Variants in GATA3 observed in about 807,000 individuals in gnomAD.
GATA3 encodes trans-acting T-cell-specific transcription factor GATA-3.
A neutral mutation model predicts 36.0 loss-of-function variants in GATA3; 6 were observed. The ratio of observed to expected loss-of-function variants is 0.17; its 90% confidence interval spans 0.09 to 0.33. The LOEUF is 0.33. Ranked by LOEUF, GATA3 falls within the 10% of genes least tolerant of loss-of-function variation. The pLI is 1.00. For synonymous variants in GATA3, 326 were observed against 273.0 expected, an observed-to-expected ratio of 1.19 and a Z score of -1.92; for missense variants, 514 against 610.1, an observed-to-expected ratio of 0.84 and a Z score of 1.66.
intron 5 of GATA3, among the ~76,000 whole-genome samples, chr10:8,071,359 G>C (rs1028964758): frequency 1.1e-4 from 17 of 152,124 alleles, no homozygotes; most frequent in Non-Finnish European, 4.4e-5. Context: ...TAACAAAATT[G>C]TAACAAATTG....
Position 8,074,223 on chromosome 10 carries a change from T to C in GATA3, c.*200T>C. 1.6e-6 allele frequency: 1 copy of C among 617,426 alleles called. No individual in the cohort carries two copies. The highest frequency in any genetic ancestry group is 2.8e-6 in the Non-Finnish European group (1 of 356,048). The allele number at this position is 617,426 out of a possible 1,614,324, so 38.2% of individuals were successfully genotyped here. Reference sequence around the variant, plus strand: ...CCAACCACTGAATCTGGACCCCATCTGTGAATAAGCCATTCTGACTCATAT... The same window carrying C: ...CCAACCACTGAATCTGGACCCCATCCGTGAATAAGCCATTCTGACTCATAT... On this transcript the variant is annotated 3_prime_UTR_variant, in exon 6 of 6. Coordinates refer to ENST00000379328, the MANE Select transcript of GATA3 (RefSeq NM_001002295.2).
chr10:8,058,213 G>T, intron 2 of GATA3, 92 bp from the exon 3 acceptor site: 2 of 1,410,368 alleles, frequency 1.4e-6, no homozygotes, highest in Non-Finnish European at 2.0e-6. Context: ...GGAGGCCGAT[G>T]CGAGGTAGAG....
intron 3 of GATA3, 117 bp downstream of exon 3, chr10:8,058,958 A>G: frequency 1.1e-6 from 1 of 915,586 alleles, no homozygotes; most frequent in Non-Finnish European, 1.6e-6. Context: ...GCCTGCTGAG[A>G]TGCCATTCTT....
At chr10:8,051,684 G>A (rs1832496474), upstream of GATA3, 1 of 152,680 alleles carries the variant, frequency 6.5e-6, no homozygotes, top group African/African-American at 2.4e-5. Context: ...AGGAGGCCAG[G>A]ATCAGCTTTG....
At chr10:8,071,932 A>G (rs1832937270) in intron 5 of GATA3, among the ~76,000 whole-genome samples, 1 of 152,196 alleles carries the variant, frequency 6.6e-6, no homozygotes, top group Admixed American at 6.5e-5. Context: ...CTGGCTATGT[A>G]TAGCTAGATA....
At chr10:8,047,359 C>T (rs1658725016) in intron 1 of GATA3, among the ~76,000 whole-genome samples, 1 of 152,228 alleles carries the variant, frequency 6.6e-6, no homozygotes, top group African/African-American at 2.4e-5. Flanking sequence ...CACCTCTGTC[C>T]TCTAGCATTC....
intron 5 of GATA3, among the ~76,000 whole-genome samples, chr10:8,073,528 G>A (rs1462970687): frequency 2.0e-5 from 3 of 152,020 alleles, no homozygotes; most frequent in Non-Finnish European, 4.4e-5. Context: ...CGTACTAGAC[G>A]GGGCTGTAAT....
rs1832613743 is a variant in GATA3, at chr10:8,055,520, C to T, written c.-136C>T. 1.0e-6 allele frequency: 1 copy of T among 959,322 alleles called. No individual in the cohort carries two copies. Among genetic ancestry groups the T allele is most frequent in the Non-Finnish European group, 1.5e-6 (1 of 650,984 alleles). The allele number at this position is 959,322 out of a possible 1,614,324, so 59.4% of individuals were successfully genotyped here. ...ACCTTTGCTTCCCAGCCTTCCCATC[C>T]CCCCACCGAAAGCAAATCATTCAAC... On this transcript the variant is annotated 5_prime_UTR_variant, in exon 2 of 6. Coordinates refer to ENST00000379328, the MANE Select transcript of GATA3 (RefSeq NM_001002295.2). This position sits in a 1 kb window ranked among gnomAD's most constrained non-coding sequence, Gnocchi z 5.4.
upstream of GATA3, chr10:8,050,790 T>G (rs1327383760): frequency 2.1e-5 from 8 of 383,804 alleles, no homozygotes; most frequent in Admixed American, 2.6e-4. Context: ...GCAAAGTCTT[T>G]AAGTAAACAC....
chr10:8,072,358 G>C (rs11567937), intron 5 of GATA3, among the ~76,000 whole-genome samples: 4 of 152,186 alleles, frequency 2.6e-5, no homozygotes, highest in African/African-American at 9.7e-5. Flanking sequence ...TTCAGCCCGG[G>C]AAGTCAGGAA....
intron 5 of GATA3, among the ~76,000 whole-genome samples, chr10:8,071,607 C>A (rs1417211649): frequency 1.3e-5 from 2 of 152,190 alleles, no homozygotes; most frequent in African/African-American, 4.8e-5. Flanking sequence ...CATGGCTGGG[C>A]TCCAGTGAAT....
At chr10:8,065,632 A>T (rs146165382) in intron 4 of GATA3, among the ~76,000 whole-genome samples, 4 of 141,924 alleles carry the variant, frequency 2.8e-5, no homozygotes, top group Admixed American at 2.2e-4. Context: ...TCGAGGCTTT[A>T]TTCTTTCTGA....
chr10:8,074,944 A>G lies in GATA3; in HGVS notation c.*921A>G, dbSNP rs1588392385. On this transcript the variant is annotated 3_prime_UTR_variant, in exon 6 of 6. Transcript: ENST00000379328. ...TGTTTCTTTTCCATTTTGTTTTTGG[A>G]TGATATTTATTAAATAGCTTCTAAG... The G allele has an allele frequency of 8.6e-6, 2 of 233,452 alleles. No homozygotes were observed. Among genetic ancestry groups the G allele is most frequent in the African/African-American group, 4.4e-5 (2 of 45,274 alleles). 14.5% of individuals were successfully genotyped at this position (233,452 alleles called of 1,614,324 possible). A position where few individuals can be genotyped will look rare whatever the true frequency, so the allele number is the denominator to read the frequency against.
chr10:8,067,960 C>A (rs1005885383), intron 4 of GATA3, among the ~76,000 whole-genome samples: 1 of 152,224 alleles, frequency 6.6e-6, no homozygotes, highest in Non-Finnish European at 1.5e-5. Context: ...TCTTTCTTCT[C>A]TTACCTTTCC....
At position 8,074,452 on chromosome 10, in the gene GATA3, T is replaced by C. The variant is rs1332779459; in HGVS notation, c.*429T>C. On this transcript the variant is annotated 3_prime_UTR_variant, in exon 6 of 6. Transcript: ENST00000379328. Reference sequence around the variant, plus strand: ...AGGTCTGATATTCAAATGGACAAACTGCCAGTTTTGTTTCCTTTCACTGGC... The same window carrying C: ...AGGTCTGATATTCAAATGGACAAACCGCCAGTTTTGTTTCCTTTCACTGGC... 2 of 242,702 alleles carry C rather than the reference T, an allele frequency of 8.2e-6. No homozygotes were observed. The highest frequency in any genetic ancestry group is 1.2e-4 in the East Asian group (2 of 16,864). 15.0% of individuals were successfully genotyped at this position (242,702 alleles called of 1,614,324 possible). A position where few individuals can be genotyped will look rare whatever the true frequency, so the allele number is the denominator to read the frequency against.
At chr10:8,051,160 G>T (rs756385728), upstream of GATA3, 3 of 493,778 alleles carry the variant, frequency 6.1e-6, no homozygotes, top group East Asian at 1.2e-4. Flanking sequence ...GAGGGCGGGT[G>T]GGAGGGACTT....
At chr10:8,049,109 A>G (rs1832429709), upstream of GATA3, among the ~76,000 whole-genome samples, 1 of 126,748 alleles carries the variant, frequency 7.9e-6, no homozygotes, top group South Asian at 2.2e-4. Context: ...AAAAAAAAGA[A>G]AAAAGAAAAA....
chr10:8,054,222 A>G (rs971495225), upstream of GATA3, among the ~76,000 whole-genome samples: 52 of 152,206 alleles, frequency 3.4e-4, no homozygotes, highest in Non-Finnish European at 5.9e-5. This position sits in a 1 kb window ranked among gnomAD's most constrained non-coding sequence, Gnocchi z 4.2. Context: ...GCGCTCTCCC[A>G]AACACCCTGC....
chr10:8,055,640 G>A lies in GATA3; in HGVS notation c.-16G>A. On this transcript the variant is annotated 5_prime_UTR_variant, in exon 2 of 6. Transcript: ENST00000379328. This position sits in a 1 kb window ranked among gnomAD's most constrained non-coding sequence, Gnocchi z 5.4. ...GGTTCCGGGCCCGGCGAGAGGGCGC[G>A]AGCACAGCCGAGGCCATGGAGGTGA... 6.5e-7 allele frequency: 1 copy of A among 1,550,026 alleles called. No individual in the cohort carries two copies. Among genetic ancestry groups the A allele is most frequent in the South Asian group, 1.2e-5 (1 of 84,272 alleles).
Sources: gnomAD v4.1 joint callset for allele counts (sites outside exome capture counted in the v4.1 genomes callset) on GRCh38, gnomAD v4.1.1 for gene constraint, Gnocchi (gnomAD v3.1) non-coding constraint, MANE v1.5 for transcripts, NCBI Gene and HGNC (gene_info 2026-07-23, HGNC 2026-07-21) for gene names.